The following GLIS3 variants were observed in gnomAD, a reference collection of about 807,000 sequenced individuals.
GLIS3 encodes GLIS family zinc finger 3.
In GLIS3, 53 loss-of-function variants were observed where a neutral mutation model predicts 78.6. That is an observed-to-expected ratio of 0.67 (90% CI 0.54 to 0.85). The LOEUF is 0.85. Ranked by LOEUF, GLIS3 falls within the 40% of genes least tolerant of loss-of-function variation. The pLI, the probability that GLIS3 is intolerant of heterozygous loss-of-function variation, is 0.00. For missense variants in GLIS3, 1,703 were observed against 1,231.1 expected (o/e 1.38, Z -5.74); for synonymous variants, 684 against 509.9 (o/e 1.34, Z -4.60).
chr9:4,214,004 A>T (rs984742624), intron 2 of GLIS3, among the ~76,000 whole-genome samples: 1 of 152,162 alleles, frequency 6.6e-6, no homozygotes, highest in African/African-American at 2.4e-5. Flanking sequence ...TATTAAAAAA[A>T]ATAAGTAAGG....
chr9:4,401,215 A>T, the GLIS3 span, among the ~76,000 whole-genome samples: 1 of 152,146 alleles, frequency 6.6e-6, no homozygotes, highest in African/African-American at 2.4e-5. Context: ...GCCTGGCAGC[A>T]TTAACCATGA....
At chr9:4,150,906 G>C (rs941887456) in intron 2 of GLIS3, 1 of 152,180 alleles carries the variant, frequency 6.6e-6, no homozygotes. Context: ...TTTTGGGGCT[G>C]TCAGTTATAA....
chr9:4,302,221 G>GCT (rs1279041058), upstream of GLIS3, among the ~76,000 whole-genome samples: 2 of 152,154 alleles, frequency 1.3e-5, no homozygotes, highest in Non-Finnish European at 2.9e-5. Context: ...TTACCCATGA[G>GCT]CTCTCCATCG....
chr9:4,021,581 C>T (rs949492479), intron 4 of GLIS3, among the ~76,000 whole-genome samples: 2 of 152,114 alleles, frequency 1.3e-5, no homozygotes, highest in African/African-American at 4.8e-5. Context: ...ATCCATTGTA[C>T]ATTAGTCAGC....
intron 1 of GLIS3, among the ~76,000 whole-genome samples, chr9:4,295,972 C>G (rs957891638): frequency 1.3e-5 from 2 of 151,954 alleles, no homozygotes; most frequent in African/African-American, 2.4e-5. Flanking sequence ...CTTTTTTCCC[C>G]AGTCCTGATA....
rs182460133 is a variant in GLIS3 at position 4,246,770 on chromosome 9, T to A, written c.388+39268A>T. ...GGCCTGTTGTAGCAGCTATTTGGAG[T>A]TCTTAAACGGGTTTTTCAAGTTCTG... On this transcript the variant is annotated intron_variant, in intron 2 of 10. Coordinates refer to ENST00000381971, the MANE Select transcript of GLIS3 (RefSeq NM_001042413.2). 6.1e-4 allele frequency among the ~76,000 whole-genome samples: 93 copies of A among 152,230 alleles called. 1 individual carries two copies. Among genetic ancestry groups the A allele is most frequent in the Middle Eastern group, 3.4e-3 (1 of 294 alleles).
At chr9:3,851,691 C>T (rs1819442010) in intron 9 of GLIS3, among the ~76,000 whole-genome samples, 1 of 74,884 alleles carries the variant, frequency 1.3e-5, no homozygotes, top group South Asian at 3.9e-4. Flanking sequence ...TCATCTTCTT[C>T]ATTTGGAAGA....
intron 4 of GLIS3, among the ~76,000 whole-genome samples, chr9:4,014,789 T>C (rs1437640161): frequency 6.6e-6 from 1 of 152,202 alleles, no homozygotes; most frequent in Non-Finnish European, 1.5e-5. Flanking sequence ...AAAGTGCAGA[T>C]GTACACACTC....
the GLIS3 span, among the ~76,000 whole-genome samples, chr9:4,458,960 C>T: frequency 6.6e-6 from 1 of 152,076 alleles, no homozygotes; most frequent in Non-Finnish European, 1.5e-5. Context: ...GAGGCAAGAT[C>T]AGAAAGGTAG....
the GLIS3 span, among the ~76,000 whole-genome samples, chr9:4,391,785 GT>G: frequency 6.6e-6 from 1 of 152,104 alleles, no homozygotes; most frequent in Non-Finnish European, 1.5e-5. Context: ...TCTTACAAAT[GT>G]ACATATTTTT....
chr9:4,165,583 G>A (rs1007939761), intron 2 of GLIS3, among the ~76,000 whole-genome samples: 2 of 152,224 alleles, frequency 1.3e-5, no homozygotes, highest in African/African-American at 2.4e-5. Flanking sequence ...GCTACACTCC[G>A]AGTTTCACTG....
At chr9:4,222,457 C>A (rs1821412399) in intron 2 of GLIS3, among the ~76,000 whole-genome samples, 2 of 152,156 alleles carry the variant, frequency 1.3e-5, no homozygotes, top group African/African-American at 4.8e-5. Context: ...CCTACCCTAT[C>A]CCCCTGTGTT....
the GLIS3 span, among the ~76,000 whole-genome samples, chr9:4,397,307 G>T: frequency 2.0e-4 from 31 of 151,292 alleles, no homozygotes; most frequent in Admixed American, 5.3e-4. Context: ...TTACAGGCGT[G>T]AGCCACCACA....
intron 6 of GLIS3, among the ~76,000 whole-genome samples, chr9:3,918,970 G>C (rs1824696676): frequency 6.6e-6 from 1 of 152,122 alleles, no homozygotes; most frequent in South Asian, 2.1e-4. Context: ...AGCTCCTTGG[G>C]GTACTTAGTT....
At chr9:4,404,534 T>C in the GLIS3 span, among the ~76,000 whole-genome samples, 1 of 152,216 alleles carries the variant, frequency 6.6e-6, no homozygotes, top group African/African-American at 2.4e-5. Context: ...CTGATCACAT[T>C]GGAATAAAAC....
chr9:4,198,781 G>A lies in GLIS3; in HGVS notation c.389-72840C>T, dbSNP rs1819099484. Among the ~76,000 whole-genome samples the A allele has an allele frequency of 3.9e-5, 6 of 152,188 alleles. No homozygotes were observed. In the South Asian group the frequency reaches 1.0e-3, roughly 26 times the overall value. The stretch of plus-strand genomic sequence containing the variant: ...AGTCACCAGACTGTCCAAGGTCAAT[G>A]CTACAGAAAAAATCTTGAAGACAGC... On this transcript the variant is annotated intron_variant, in intron 2 of 10. Transcript: ENST00000381971.
the GLIS3 span, among the ~76,000 whole-genome samples, chr9:4,481,783 G>C: frequency 6.6e-6 from 1 of 152,116 alleles, no homozygotes; most frequent in African/African-American, 2.4e-5. Context: ...TAGAGTGTTT[G>C]AGTTAGAGAA....
At chr9:4,046,403 G>A (rs1326782077) in intron 4 of GLIS3, among the ~76,000 whole-genome samples, 2 of 152,136 alleles carry the variant, frequency 1.3e-5, no homozygotes, top group Admixed American at 6.5e-5. Context: ...ATGAGAGGTG[G>A]GTTAGATCTA....
In GLIS3 at chr9:3,828,370, C is replaced by A; in HGVS notation, c.2695G>T (p.Glu899Ter). 1.2e-6 allele frequency: 2 copies of A among 1,613,746 alleles called. No homozygotes were observed. The highest frequency in any genetic ancestry group is 8.5e-7 in the Non-Finnish European group (1 of 1,180,016). The change falls in exon 11 of 11, where the codon GAG becomes TAG. Residue 899 changes from glutamate (E) to a stop codon, truncating the protein, a stop_gained. Coordinates refer to ENST00000381971, the MANE Select transcript of GLIS3 (RefSeq NM_001042413.2). LOFTEE classifies it high-confidence loss of function. ...TCTTCAGCCCCGCTGCGGAGAGACT[C>A]CCCAAAGAGGCTCGAGGAACTTGAA... ...LPSSSSSLFG[E>*]SLRSGAEDAT...
Sources: gnomAD v4.1 joint callset for allele counts (sites outside exome capture counted in the v4.1 genomes callset) on GRCh38, gnomAD v4.1.1 for gene constraint, MANE v1.5 for transcripts, NCBI Gene and HGNC (gene_info 2026-07-23, HGNC 2026-07-21) for gene names.